Variants in ACSM3 observed in about 807,000 individuals in gnomAD.
The protein encoded by ACSM3 is acyl-CoA synthetase medium chain family member 3.
A neutral mutation model predicts 74.1 loss-of-function variants in ACSM3; 61 were observed. That is an observed-to-expected ratio of 0.82 (90% CI 0.67 to 1.02). The LOEUF (loss-of-function observed/expected upper bound fraction) is 1.02, where lower values mean the gene tolerates loss of function less well. Among genes scored for constraint, ACSM3 ranks in the 50% least tolerant of loss-of-function variants. The pLI, the probability that ACSM3 is intolerant of heterozygous loss-of-function variation, is 0.00. For synonymous variants in ACSM3, 213 were observed against 241.5 expected, an observed-to-expected ratio of 0.88 and a Z score of 1.09; for missense variants, 660 against 697.0, an observed-to-expected ratio of 0.95 and a Z score of 0.60.
chr16:20,701,330 G>A (rs896481472), intron 1 of ACSM3, among the ~76,000 whole-genome samples: 10 of 151,998 alleles, frequency 6.6e-5, no homozygotes, highest in African/African-American at 1.9e-4. Context: ...CAACCATGCC[G>A]TATAAATTGA....
intron 1 of ACSM3, chr16:20,729,428 G>A: frequency 1.2e-6 from 1 of 850,640 alleles, no homozygotes; most frequent in South Asian, 1.4e-5. Flanking sequence ...AGGATGTGGT[G>A]GTCAAAGGCT....
At chr16:20,737,689 A>G (rs2079882188) in intron 1 of ACSM3, 2 of 1,586,246 alleles carry the variant, frequency 1.3e-6, no homozygotes, top group African/African-American at 2.7e-5. Flanking sequence ...CCTATGGAAA[A>G]TCACTAAGAG....
At chr16:20,783,187 A>G (rs761953378) in intron 7 of ACSM3, 2 of 152,172 alleles carry the variant, frequency 1.3e-5, no homozygotes, top group African/African-American at 4.8e-5. Flanking sequence ...AGGAAATTCC[A>G]TGGAATTTAG....
intron 1 of ACSM3, among the ~76,000 whole-genome samples, chr16:20,675,517 C>A (rs369104825): frequency 1.3e-5 from 2 of 152,126 alleles, no homozygotes; most frequent in African/African-American, 4.8e-5. Context: ...AGTGAAAGTG[C>A]ACCTCAAGGG....
intron 1 of ACSM3, among the ~76,000 whole-genome samples, chr16:20,715,627 A>AC (rs200574062): frequency 0.021 from 3,112 of 151,698 alleles, 57 homozygotes; most frequent in African/African-American, 0.04. Flanking sequence ...ACAAAACAAA[A>AC]AAAAATCCTC....
At chr16:20,705,616 C>G (rs1293297033) in intron 1 of ACSM3, among the ~76,000 whole-genome samples, 2 of 151,948 alleles carry the variant, frequency 1.3e-5, no homozygotes, top group Non-Finnish European at 2.9e-5. Flanking sequence ...AATGAATAAA[C>G]AAAACAAAAT....
At chr16:20,728,206 G>T in intron 1 of ACSM3, 1 of 339,052 alleles carries the variant, frequency 2.9e-6, no homozygotes. Context: ...ATTAAACCAG[G>T]CTCAATGGGG....
At chr16:20,779,202 G>C (rs2080298849) in intron 4 of ACSM3, among the ~76,000 whole-genome samples, 1 of 151,958 alleles carries the variant, frequency 6.6e-6, no homozygotes, top group Non-Finnish European at 1.5e-5. Flanking sequence ...GTGGGATGAT[G>C]GTTTGAGTCC....
chr16:20,741,574 T>G, intron 1 of ACSM3: 1 of 1,514,844 alleles, frequency 6.6e-7, no homozygotes. Context: ...TCCACGCACT[T>G]GCGCTCGTTC....
At chr16:20,697,829 G>C (rs907257790) in intron 1 of ACSM3, 1 of 152,280 alleles carries the variant, frequency 6.6e-6, no homozygotes, top group African/African-American at 2.4e-5. Context: ...AATTCAGTAG[G>C]GGGAGGAGAT....
intron 7 of ACSM3, among the ~76,000 whole-genome samples, chr16:20,783,069 T>C (rs1377925700): frequency 6.6e-6 from 1 of 152,190 alleles, no homozygotes; most frequent in Non-Finnish European, 1.5e-5. Context: ...GAGGTGAGGC[T>C]GAAAGTGCCA....
At position 20,674,859 on chromosome 16, in the gene ACSM3, C is replaced by T. The variant is rs577623603; in HGVS notation, c.-190+37C>T. On this transcript the variant is annotated intron_variant, in intron 1 of 3. Transcript: ENST00000561584. ...GGGCCCAAGGTAGGAAAGCCCATCC[C>T]ATAGGGATGAAGGTGAGCTTGATCA... is the stretch of plus-strand genomic sequence containing the variant. 3 of 152,396 alleles carry T rather than the reference C, an allele frequency of 2.0e-5. No homozygotes were observed. The South Asian group carries it at 6.2e-4, about 32-fold the overall frequency. The allele number at this position is 152,396 out of a possible 1,614,324, so 9.4% of individuals were successfully genotyped here.
At chr16:20,747,041 A>G (rs138641577) in intron 1 of ACSM3, among the ~76,000 whole-genome samples, 212 of 152,120 alleles carry the variant, frequency 1.4e-3, no homozygotes, top group African/African-American at 4.7e-3. Flanking sequence ...TGAATAATCT[A>G]TGTTCCAAAG....
chr16:20,779,499 G>A (rs2080306178), intron 4 of ACSM3, among the ~76,000 whole-genome samples: 1 of 151,884 alleles, frequency 6.6e-6, no homozygotes, highest in South Asian at 2.1e-4. Flanking sequence ...TGAATGGCCT[G>A]GTTGTTTCTA....
chr16:20,715,188 C>T (rs559784139), intron 1 of ACSM3, among the ~76,000 whole-genome samples: 1 of 152,304 alleles, frequency 6.6e-6, no homozygotes, highest in Non-Finnish European at 1.5e-5. Flanking sequence ...ACCAATTTGA[C>T]TCTATATTTG....
At chr16:20,747,076 A>T (rs989158753) in intron 1 of ACSM3, among the ~76,000 whole-genome samples, 1 of 108,292 alleles carries the variant, frequency 9.2e-6, no homozygotes, top group Non-Finnish European at 2.1e-5. Context: ...CAGGAGATAT[A>T]AAAAAAAAAA....
chr16:20,721,201 ATCC>A (rs1381463656), intron 1 of ACSM3: 3 of 152,236 alleles, frequency 2.0e-5, no homozygotes, highest in South Asian at 2.1e-4. Flanking sequence ...GGCTTGAATA[ATCC>A]TCCTATTTTT....
chr16:20,748,897 C>A (rs2079969617), intron 1 of ACSM3, among the ~76,000 whole-genome samples: 1 of 151,930 alleles, frequency 6.6e-6, no homozygotes, highest in African/African-American at 2.4e-5. Flanking sequence ...ACTAAAAATA[C>A]AAAAATCAGC....
rs546177390 is a variant in ACSM3 at position 20,743,031 on chromosome 16, C to T, written c.-189-6879C>T. On this transcript the variant is annotated intron_variant, in intron 1 of 3. Transcript: ENST00000561584. ...TCTGGGCTCACTGCAAGCTCCGCCT[C>T]CCAGGTTCACCCCATTCTCCTGCCT... is the stretch of plus-strand genomic sequence containing the variant. Among the ~76,000 whole-genome samples the T allele has an allele frequency of 7.3e-5, 11 of 150,746 alleles. No individual in the cohort carries two copies. The South Asian group carries it at 2.3e-3, about 32-fold the overall frequency.
Sources: gnomAD v4.1 joint callset for allele counts (sites outside exome capture counted in the v4.1 genomes callset) on GRCh38, gnomAD v4.1.1 for gene constraint, MANE v1.5 for transcripts, NCBI Gene and HGNC (gene_info 2026-07-23, HGNC 2026-07-21) for gene names.